NDUFS1: variants seen among roughly 807,000 people sequenced by gnomAD.
NDUFS1 encodes the protein NADH:ubiquinone oxidoreductase core subunit S1.
NDUFS1 carries 61 observed loss-of-function variants against 84.4 expected under a neutral mutation model. The ratio of observed to expected loss-of-function variants is 0.72; its 90% CI spans 0.59 to 0.89. The LOEUF (loss-of-function observed/expected upper bound fraction) is 0.89. NDUFS1 is among the 40% of genes least tolerant of loss of function. NDUFS1 has a pLI of 0.00. For synonymous variants in NDUFS1, 275 were observed against 290.0 expected, an observed-to-expected ratio of 0.95 and a Z score of 0.53; for missense variants, 891 against 890.0, an observed-to-expected ratio of 1.00 and a Z score of -0.01.
chr2:206,153,828 G>A, intron 1 of NDUFS1, 146 bp from the exon 2 acceptor site: 1 of 624,094 alleles, frequency 1.6e-6, no homozygotes, highest in Non-Finnish European at 2.9e-6. Context: ...GTCTGTAGAT[G>A]AGAATTCTCA....
At chr2:206,152,268 G>C (rs1692398408) in intron 3 of NDUFS1, 151 bp downstream of exon 3, 2 of 665,330 alleles carry the variant, frequency 3.0e-6, no homozygotes, top group Non-Finnish European at 5.3e-6. Context: ...ACTTTGAAGT[G>C]CCAAGATTTA....
At chr2:206,131,764 C>G (rs1210009286) in intron 14 of NDUFS1, among the ~76,000 whole-genome samples, 1 of 151,980 alleles carries the variant, frequency 6.6e-6, no homozygotes, top group African/African-American at 2.4e-5. Context: ...ACGGTGAAAC[C>G]CAGTCTCTAC....
intron 15 of NDUFS1, among the ~76,000 whole-genome samples, 157 bp from the exon 16 acceptor site, chr2:206,128,129 C>T (rs1396692884): frequency 6.6e-6 from 1 of 151,988 alleles, no homozygotes; most frequent in Admixed American, 6.6e-5. Context: ...AAAATTAAAG[C>T]CCACCTCAAC....
rs1199619346 is a variant in NDUFS1, at chr2:206,120,326, G to C, written c.*3859C>G. On this transcript the variant is annotated 3_prime_UTR_variant, in exon 19 of 19. Transcript: ENST00000233190. ...AATGTAGAAACAGCTTTGGAACTGG[G>C]TAACAGGCAGAGGTTGGAAGAATCT... The C allele has an allele frequency of 6.6e-6, 1 of 152,238 alleles. No homozygotes were observed. Among genetic ancestry groups the C allele is most frequent in the African/African-American group, 2.4e-5 (1 of 41,442 alleles). 9.4% of individuals were successfully genotyped at this position (152,238 alleles called of 1,614,324 possible). A position where few individuals can be genotyped will look rare whatever the true frequency, so the allele number is the denominator to read the frequency against.
intron 8 of NDUFS1, among the ~76,000 whole-genome samples, chr2:206,146,653 T>C (rs1483993243): frequency 6.6e-6 from 1 of 152,206 alleles, no homozygotes; most frequent in Non-Finnish European, 1.5e-5. Flanking sequence ...ATTAAACTCT[T>C]TGGAAGAACA....
At chr2:206,157,181 ACCTCAGTGAT>A (rs1042473879) in intron 1 of NDUFS1, among the ~76,000 whole-genome samples, 16 of 152,228 alleles carry the variant, frequency 1.1e-4, no homozygotes, top group African/African-American at 3.9e-4. Flanking sequence ...CAAACTCCTG[ACCTCAGTGAT>A]CCACCCGCGT....
At chr2:206,133,456 T>A (rs1233892247) in intron 13 of NDUFS1, among the ~76,000 whole-genome samples, 1 of 152,200 alleles carries the variant, frequency 6.6e-6, no homozygotes, top group African/African-American at 2.4e-5. Context: ...AATTAAAGAA[T>A]AGGAAAAACT....
At position 206,124,010 on chromosome 2, in the gene NDUFS1, C is replaced by A. The variant is rs1447255079; in HGVS notation, c.*175G>T. 1 of 592,294 alleles carries A rather than the reference C, an allele frequency of 1.7e-6. No individual in the cohort carries two copies. Among genetic ancestry groups the A allele is most frequent in the Non-Finnish European group, 3.0e-6 (1 of 336,892 alleles). The allele number at this position is 592,294 out of a possible 1,614,324, so 36.7% of individuals were successfully genotyped here. A position where few individuals can be genotyped will look rare whatever the true frequency, so the allele number is the denominator to read the frequency against. On this transcript the variant is annotated 3_prime_UTR_variant, in exon 19 of 19. Coordinates refer to ENST00000233190, the MANE Select transcript of NDUFS1 (RefSeq NM_005006.7). Reference sequence around the variant, plus strand: ...ACCTTTACACACAATACATGTTTTTCAAACTGCAAAGTTGATAACTAATAT... The same window carrying A: ...ACCTTTACACACAATACATGTTTTTAAAACTGCAAAGTTGATAACTAATAT...
intron 14 of NDUFS1, among the ~76,000 whole-genome samples, 181 bp from the exon 15 acceptor site, chr2:206,130,423 C>T (rs1344363379): frequency 2.6e-5 from 4 of 151,094 alleles, no homozygotes; most frequent in Non-Finnish European, 4.4e-5. Context: ...GGCGTGATCT[C>T]GGCTCACTGT....
At chr2:206,129,551 G>A (rs10181933) in intron 15 of NDUFS1, among the ~76,000 whole-genome samples, 3 of 151,552 alleles carry the variant, frequency 2.0e-5, no homozygotes, top group Admixed American at 6.6e-5. Flanking sequence ...CATGAGCCAC[G>A]GCACCCAAGG....
chr2:206,148,163 G>A lies in NDUFS1; in HGVS notation c.339-329C>T, dbSNP rs1304049327. On this transcript the variant is annotated intron_variant, in intron 5 of 18. Transcript: ENST00000233190. ...TGGTCTCGAACTCCTGACCTCAAGT[G>A]ATCCTCCCGCCCTGGCGTCCCAAAG... 2.0e-5 allele frequency among the ~76,000 whole-genome samples: 3 copies of A among 152,214 alleles called. No individual in the cohort carries two copies. The East Asian group carries it at 5.8e-4, about 29-fold the overall frequency.
At chr2:206,140,683 T>C (rs1300897972) in intron 12 of NDUFS1, among the ~76,000 whole-genome samples, 1 of 151,840 alleles carries the variant, frequency 6.6e-6, no homozygotes, top group African/African-American at 2.4e-5. Context: ...TTCTCCATGT[T>C]GGTCAGGCTG....
intron 15 of NDUFS1, among the ~76,000 whole-genome samples, chr2:206,128,728 C>A (rs1341129203): frequency 2.0e-5 from 3 of 151,598 alleles, no homozygotes; most frequent in East Asian, 1.9e-4. Context: ...CTGCAGTGAG[C>A]CGAGATCACA....
chr2:206,150,944 T>A (rs1692349688), intron 3 of NDUFS1, among the ~76,000 whole-genome samples: 1 of 152,154 alleles, frequency 6.6e-6, no homozygotes, highest in South Asian at 2.1e-4. Flanking sequence ...TATTGGGAAG[T>A]TCTGTACGAC....
chr2:206,149,735 T>C (rs1692294546), intron 4 of NDUFS1, 83 bp downstream of exon 4: 1 of 977,446 alleles, frequency 1.0e-6, no homozygotes, highest in African/African-American at 1.6e-5. Flanking sequence ...TCCACTACGA[T>C]ATTGATTCTA....
chr2:206,124,349 G>A (rs1691200900), intron 18 of NDUFS1, 73 bp from the exon 19 acceptor site: 6 of 1,126,948 alleles, frequency 5.3e-6, no homozygotes, highest in East Asian at 2.4e-5. Flanking sequence ...CTTTAATGGT[G>A]CACATATTCA....
chr2:206,140,943 T>TACACACACACACACAC (rs1553505280), intron 12 of NDUFS1, among the ~76,000 whole-genome samples: 4,389 of 135,958 alleles, frequency 0.032, 253 homozygotes, highest in African/African-American at 0.11. Context: ...TATATATATA[T>TACACACACACACACAC]ACACACACAC....
At chr2:206,133,362 G>A (rs1275996100) in intron 13 of NDUFS1, among the ~76,000 whole-genome samples, 1 of 152,146 alleles carries the variant, frequency 6.6e-6, no homozygotes, top group African/African-American at 2.4e-5. Flanking sequence ...AGAATAAAAA[G>A]CCTAGCAAAT....
chr2:206,125,283 G>A (rs761027084), intron 18 of NDUFS1, among the ~76,000 whole-genome samples: 18 of 151,988 alleles, frequency 1.2e-4, no homozygotes, highest in South Asian at 2.1e-4. Flanking sequence ...GTAACATGGC[G>A]AAACCCCATC....
Sources: gnomAD v4.1 joint callset for allele counts (sites outside exome capture counted in the v4.1 genomes callset) on GRCh38, gnomAD v4.1.1 for gene constraint, MANE v1.5 for transcripts, NCBI Gene and HGNC (gene_info 2026-07-23, HGNC 2026-07-21) for gene names.